The following LRRC75B variants were observed in gnomAD, a reference collection of about 807,000 sequenced individuals.
LRRC75B encodes leucine-rich repeat-containing protein 75B.
A neutral mutation model predicts 16.5 loss-of-function variants in LRRC75B; 20 were observed. That is an observed-to-expected ratio of 1.21 (90% CI 0.85 to 1.76). LRRC75B has a LOEUF of 1.76. Ranked by LOEUF, LRRC75B falls within the 40% of genes most tolerant of loss-of-function variation. The probability of loss-of-function intolerance (pLI) is 0.00; values close to 1 mark genes in which losing one functional copy is unlikely to be tolerated. For synonymous variants in LRRC75B, 199 were observed against 198.1 expected (o/e 1.00, Z -0.04); for missense variants, 406 against 417.0 (o/e 0.97, Z 0.23).
At chr22:24,588,144 G>A in intron 3 of LRRC75B, 70 bp downstream of exon 3, 1 of 1,190,946 alleles carries the variant, frequency 8.4e-7, no homozygotes, top group Admixed American at 1.9e-5. Context: ...CTTGGTGAGA[G>A]TGCAGGTGTC....
intron 3 of LRRC75B, among the ~76,000 whole-genome samples, 162 bp from the exon 4 acceptor site, chr22:24,586,573 C>G (rs2045400478): frequency 6.6e-6 from 1 of 152,248 alleles, no homozygotes; most frequent in Non-Finnish European, 1.5e-5. Context: ...CTCTTTTTGT[C>G]CAGGCTGGAG....
chr22:24,588,138 G>A, intron 3 of LRRC75B, 76 bp downstream of exon 3: 1 of 1,145,154 alleles, frequency 8.7e-7, no homozygotes, highest in Non-Finnish European at 1.3e-6. Flanking sequence ...CAGCCTCTTG[G>A]TGAGAGTGCA....
Position 24,589,874 on chromosome 22 carries a change from T to TG in LRRC75B, c.252dup (p.Ile85HisfsTer4). On this transcript the variant is annotated frameshift_variant, in exon 2 of 4. Transcript: ENST00000318753. LOFTEE classifies it high-confidence loss of function. ...AGGTTCACAAGCAGGTCATGGGAGA[T>TG]GGGGTCGACCGGGTTGAGGAAGGCC... is the stretch of plus-strand genomic sequence containing the variant. 6.2e-7 allele frequency: 1 copy of TG among 1,613,896 alleles called. No homozygotes were observed. Among genetic ancestry groups the TG allele is most frequent in the African/African-American group, 1.3e-5 (1 of 75,036 alleles).
In LRRC75B at chr22:24,592,903, C is replaced by A; in HGVS notation, c.137G>T (p.Arg46Leu). The A allele has an allele frequency of 7.8e-7, 1 of 1,278,398 alleles. No individual in the cohort carries two copies. The highest frequency in any genetic ancestry group is 9.9e-7 in the Non-Finnish European group (1 of 1,011,670). The allele number at this position is 1,278,398 out of a possible 1,614,324, so 79.2% of individuals were successfully genotyped here. The change falls in exon 1 of 4, where the codon CGG (arginine) becomes CTG (leucine). Residue 46 changes from arginine (R) to leucine (L), a missense_variant. Transcript: ENST00000318753. Reference sequence around the variant, plus strand: ...CAGCAGCTGCCGGGCGCGCTCCGGCCGCCGCTCGCGGAGCGTGGACTGGAT... The same window carrying A: ...CAGCAGCTGCCGGGCGCGCTCCGGCAGCCGCTCGCGGAGCGTGGACTGGAT... ...REIQSTLRER[R>L]PERARQLLRL... is the part of the protein sequence containing the mutation.
In LRRC75B at chr22:24,586,164, T is replaced by A. The variant is rs2045386009; in HGVS notation, c.670A>T (p.Thr224Ser). Residue 224 changes from threonine (T) to serine (S), a missense_variant, in exon 4 of 4, where the codon ACT (threonine) becomes TCT (serine). Transcript: ENST00000318753. ...ATGGCATCAGTGAGCTTGCGGGCAG[T>A]GGCCCGCGTCAGTCGGTTGCCGTTG... ...LLNGNRLTRA[T>S]ARKLTDAIKD... 6.2e-7 allele frequency: 1 copy of A among 1,613,450 alleles called. No homozygotes were observed. Among genetic ancestry groups the A allele is most frequent in the Admixed American group, 1.7e-5 (1 of 60,010 alleles).
chr22:24,590,481 C>G (rs905601241), intron 1 of LRRC75B, among the ~76,000 whole-genome samples: 3 of 152,062 alleles, frequency 2.0e-5, no homozygotes, highest in African/African-American at 7.2e-5. Flanking sequence ...TAAGTGAATC[C>G]CAGAACCCTT....
chr22:24,586,820 T>C (rs2045409920), intron 3 of LRRC75B, among the ~76,000 whole-genome samples: 1 of 152,260 alleles, frequency 6.6e-6, no homozygotes, highest in Non-Finnish European at 1.5e-5. Context: ...CGTGAGCCAC[T>C]GCGCCCGGGC....
At position 24,589,397 on chromosome 22, in the gene LRRC75B, C is replaced by T. The variant is rs555269804; in HGVS notation, c.306+424G>A. 1.4e-4 allele frequency: 153 copies of T among 1,074,550 alleles called. No homozygotes were observed. In the African/African-American group the frequency reaches 2.5e-3, roughly 17 times the overall value. 66.6% of individuals were successfully genotyped at this position (1,074,550 alleles called of 1,614,324 possible). The stretch of plus-strand genomic sequence containing the variant: ...GGTGTCTGTACAGGATGGAGACCTG[C>T]GGACAGACGGGGGCTCTAGCCGAGA... On this transcript the variant is annotated intron_variant, in intron 2 of 3. Coordinates refer to ENST00000318753, the MANE Select transcript of LRRC75B (RefSeq NM_207644.3).
chr22:24,591,358 C>T (rs559720380), intron 1 of LRRC75B, among the ~76,000 whole-genome samples: 63 of 152,310 alleles, frequency 4.1e-4, no homozygotes, highest in African/African-American at 1.5e-3. Flanking sequence ...GGATTATAGG[C>T]GTGAGCCACT....
intron 1 of LRRC75B, among the ~76,000 whole-genome samples, chr22:24,590,743 T>C (rs1456828720): frequency 2.0e-5 from 3 of 152,082 alleles, no homozygotes; most frequent in Non-Finnish European, 4.4e-5. Flanking sequence ...GGCGGACCTC[T>C]CTCTCAGATG....
At chr22:24,587,397 G>A (rs2045427365) in intron 3 of LRRC75B, among the ~76,000 whole-genome samples, 1 of 152,220 alleles carries the variant, frequency 6.6e-6, no homozygotes, top group Non-Finnish European at 1.5e-5. Flanking sequence ...AGCCCACTAG[G>A]CAGACAGGCC....
In LRRC75B at chr22:24,586,429, G is replaced by A. The variant is rs755429130; in HGVS notation, c.423-18C>T. 13 of 1,596,788 alleles carry A rather than the reference G, an allele frequency of 8.1e-6. No individual in the cohort carries two copies. The South Asian group carries it at 1.5e-4, about 18-fold the overall frequency. ...TCTTGAGGCTATGGGAGAGTGGCAG[G>A]TGGGGATGGACTAGGCAACCAGGCA... On this transcript the variant is annotated intron_variant, in intron 3 of 3. Transcript: ENST00000318753.
intron 3 of LRRC75B, among the ~76,000 whole-genome samples, chr22:24,587,320 G>A (rs2045424870): frequency 6.6e-6 from 1 of 152,204 alleles, no homozygotes; most frequent in Admixed American, 6.5e-5. Context: ...TAGAAGGGAA[G>A]TTCAGAGACT....
intron 3 of LRRC75B, among the ~76,000 whole-genome samples, chr22:24,587,263 C>T (rs1175829946): frequency 1.3e-5 from 2 of 152,176 alleles, no homozygotes; most frequent in African/African-American, 4.8e-5. Flanking sequence ...CCTGGGTGTG[C>T]AGGCTGGGGG....
intron 2 of LRRC75B, chr22:24,588,887 C>G: frequency 4.0e-6 from 4 of 1,005,940 alleles, no homozygotes; most frequent in Non-Finnish European, 4.8e-6. Context: ...TCAGTCCTAA[C>G]TGGGCTCCGG....
chr22:24,588,484 C>T (rs1324058192), intron 2 of LRRC75B, 155 bp from the exon 3 acceptor site: 1 of 766,096 alleles, frequency 1.3e-6, no homozygotes, highest in Non-Finnish European at 2.1e-6. Flanking sequence ...CTCCTACCCC[C>T]CAACCCGGCT....
At chr22:24,592,838 A>AT in intron 1 of LRRC75B, 25 bp downstream of exon 1, 1 of 1,273,716 alleles carries the variant, frequency 7.9e-7, no homozygotes. Context: ...CCGCCAGCCC[A>AT]GGGGCGGACG....
In LRRC75B at chr22:24,586,095, C is replaced by T. The variant is rs201574647; in HGVS notation, c.739G>A (p.Gly247Ser). The T allele has an allele frequency of 4.2e-4, 671 of 1,612,574 alleles. 1 individual carries two copies. The highest frequency in any genetic ancestry group is 6.6e-4 in the Middle Eastern group (4 of 6,084). The change falls in exon 4 of 4, where the codon GGC becomes AGC. Residue 247 changes from glycine (G) to serine (S), a missense_variant. Coordinates refer to ENST00000318753, the MANE Select transcript of LRRC75B (RefSeq NM_207644.3). Reference sequence around the variant, plus strand: ...AGGGAAGCCACATCCACGTTGTTGCCCAGGTCCACCCAAGCCAAAGCAGGG... The same window carrying T: ...AGGGAAGCCACATCCACGTTGTTGCTCAGGTCCACCCAAGCCAAAGCAGGG... Reference protein sequence around the residue: ...KFPALAWVDLGNNVDVASLPQ... With the variant: ...KFPALAWVDLSNNVDVASLPQ...
intron 2 of LRRC75B, chr22:24,588,638 G>T: frequency 1.8e-6 from 2 of 1,120,352 alleles, no homozygotes; most frequent in South Asian, 2.2e-5. Context: ...CGGGCTATCA[G>T]CCGGCTGCCT....
Sources: allele counts gnomAD v4.1 joint callset (sites outside exome capture counted in the v4.1 genomes callset), GRCh38; gene constraint gnomAD v4.1.1; transcripts MANE v1.5; gene names NCBI Gene and HGNC (gene_info 2026-07-23, HGNC 2026-07-21).